Variants in SDK1 observed in about 807,000 individuals in gnomAD.
The protein encoded by SDK1 is protein sidekick-1.
A neutral mutation model predicts 245.5 loss-of-function variants in SDK1; 157 were observed. That is an observed-to-expected ratio of 0.64 (90% confidence interval 0.56 to 0.73). The LOEUF is 0.73. Ranked by LOEUF, SDK1 falls within the 30% of genes least tolerant of loss-of-function variation. The pLI, the probability that SDK1 is intolerant of heterozygous loss-of-function variation, is 0.00. For missense variants in SDK1, 3,583 were observed against 3,002.3 expected (o/e 1.19, Z -4.52); for synonymous variants, 1,647 against 1,278.5 (o/e 1.29, Z -6.15).
At chr7:3,562,085 G>C (rs1025182243) in intron 1 of SDK1, among the ~76,000 whole-genome samples, 2 of 152,164 alleles carry the variant, frequency 1.3e-5, no homozygotes, top group Non-Finnish European at 2.9e-5. Flanking sequence ...AGAATGCCAC[G>C]CCTTGTCTCT....
At chr7:3,484,532 A>G (rs1781617806) in intron 1 of SDK1, among the ~76,000 whole-genome samples, 1 of 152,238 alleles carries the variant, frequency 6.6e-6, no homozygotes, top group Admixed American at 6.5e-5. Flanking sequence ...AGTTCAAACC[A>G]GAGTTGTTCA....
intron 22 of SDK1, among the ~76,000 whole-genome samples, chr7:4,089,952 T>C (rs532501623): frequency 6.6e-6 from 1 of 152,282 alleles, no homozygotes; most frequent in African/African-American, 2.4e-5. Context: ...TTCTGTGACC[T>C]TGACAATTTT....
chr7:4,210,546 C>G (rs1784460087), intron 38 of SDK1, among the ~76,000 whole-genome samples: 1 of 152,176 alleles, frequency 6.6e-6, no homozygotes, highest in African/African-American at 2.4e-5. Flanking sequence ...CACTTGAAGC[C>G]ACGCCTCACA....
chr7:4,043,462 A>C (rs1005318832), intron 17 of SDK1, among the ~76,000 whole-genome samples: 2 of 152,172 alleles, frequency 1.3e-5, no homozygotes, highest in Admixed American at 6.5e-5. Flanking sequence ...AGGTAGAATG[A>C]GTGTCACAGC....
At chr7:3,510,192 A>G (rs1782534236) in intron 1 of SDK1, among the ~76,000 whole-genome samples, 1 of 152,180 alleles carries the variant, frequency 6.6e-6, no homozygotes. Flanking sequence ...TCAAACCATT[A>G]TGTGCTGCTA....
chr7:3,876,040 G>A (rs1781068193), intron 5 of SDK1, among the ~76,000 whole-genome samples: 1 of 152,170 alleles, frequency 6.6e-6, no homozygotes, highest in African/African-American at 2.4e-5. Context: ...GGTGGTGGAA[G>A]TATGTCATTC....
intron 5 of SDK1, among the ~76,000 whole-genome samples, chr7:3,920,638 A>G (rs1360932429): frequency 4.6e-5 from 7 of 152,168 alleles, no homozygotes; most frequent in African/African-American, 1.7e-4. Context: ...TCCGGAGGCA[A>G]GGCGGCACTT....
At chr7:4,139,397 ATATGTGTGTGTG>A (rs771090304) in intron 28 of SDK1, among the ~76,000 whole-genome samples, 183 of 150,092 alleles carry the variant, frequency 1.2e-3, no homozygotes, top group South Asian at 2.1e-3. Context: ...GTGTGTGTGT[ATATGTGTGTGTG>A]TATATGTGTG....
At position 4,208,274 on chromosome 7, in the gene SDK1, C is replaced by T. The variant is rs1370455011; in HGVS notation, c.5390C>T (p.Thr1797Ile). ...AAGAGTGACCCCCAGCAGGGGCGCA[C>T]CCACCAGGCCGGTAGGAGGAAGGCG... ...GPKSDPQQGR[T>I]HQAAPGAPSF... Residue 1797 changes from threonine (T) to isoleucine (I), a missense_variant, in exon 37 of 45, where the codon ACC becomes ATC. Physicochemically the swap from Thr to Ile is moderately conservative, Grantham distance 89. Coordinates refer to ENST00000404826, the MANE Select transcript of SDK1 (RefSeq NM_152744.4). 5 of 1,612,646 alleles carry T rather than the reference C, an allele frequency of 3.1e-6. 1 individual carries two copies. In the South Asian group the frequency reaches 5.5e-5, roughly 18 times the overall value.
intron 41 of SDK1, among the ~76,000 whole-genome samples, 176 bp downstream of exon 41, chr7:4,233,595 G>C (rs553460087): frequency 5.3e-5 from 8 of 152,084 alleles, no homozygotes; most frequent in African/African-American, 1.9e-4. Flanking sequence ...TGGGGTCGAG[G>C]GGGACCCTGG....
At chr7:3,723,652 T>G in intron 4 of SDK1, among the ~76,000 whole-genome samples, 1 of 144,572 alleles carries the variant, frequency 6.9e-6, no homozygotes, top group South Asian at 2.2e-4. Flanking sequence ...AGTTAGTAAG[T>G]AAAAGTTGTG....
chr7:3,757,310 T>C lies in SDK1; in HGVS notation c.714-64140T>C, dbSNP rs146136530. On this transcript the variant is annotated intron_variant, in intron 4 of 44. Coordinates refer to ENST00000404826, the MANE Select transcript of SDK1 (RefSeq NM_152744.4). ...TCCTTTTTTTGAGACAAGGTCTCTC[T>C]CTGTCACTCAACTCCTGGTCTCAAG... Among the ~76,000 whole-genome samples, 192 of 152,286 alleles carry C rather than the reference T, an allele frequency of 1.3e-3. 5 individuals carry two copies. In the East Asian group the frequency reaches 0.03, roughly 23 times the overall value.
intron 28 of SDK1, among the ~76,000 whole-genome samples, chr7:4,139,399 A>ACG (rs1432814103): frequency 7.0e-6 from 1 of 142,402 alleles, no homozygotes; most frequent in East Asian, 2.2e-4. Context: ...GTGTGTGTAT[A>ACG]TGTGTGTGTG....
chr7:4,111,688 A>G (rs1052998166), intron 23 of SDK1, among the ~76,000 whole-genome samples: 9 of 152,242 alleles, frequency 5.9e-5, no homozygotes, highest in Non-Finnish European at 1.3e-4. Context: ...TGTGAAATTA[A>G]CTGAAGCTAT....
intron 4 of SDK1, among the ~76,000 whole-genome samples, chr7:3,816,000 G>A (rs1344602273): frequency 7.0e-6 from 1 of 142,662 alleles, no homozygotes; most frequent in Admixed American, 7.0e-5. Flanking sequence ...TGACTACTGG[G>A]TACATAACGA....
At chr7:4,059,780 T>G in intron 19 of SDK1, among the ~76,000 whole-genome samples, 1 of 152,104 alleles carries the variant, frequency 6.6e-6, no homozygotes, top group African/African-American at 2.4e-5. Context: ...AAATCAGTAA[T>G]GAGGAACTTT....
chr7:3,972,003 G>A (rs1210420991), intron 12 of SDK1, among the ~76,000 whole-genome samples: 1 of 151,914 alleles, frequency 6.6e-6, no homozygotes, highest in Non-Finnish European at 1.5e-5. Flanking sequence ...CCTGTGCATG[G>A]GACAAAGTCA....
At chr7:3,609,367 A>G (rs1232965283) in intron 1 of SDK1, among the ~76,000 whole-genome samples, 2 of 152,158 alleles carry the variant, frequency 1.3e-5, no homozygotes, top group African/African-American at 4.8e-5. Context: ...GTCCAAGATC[A>G]CAGAGCTAGT....
intron 4 of SDK1, among the ~76,000 whole-genome samples, chr7:3,752,526 T>A (rs1019058379): frequency 6.6e-6 from 1 of 152,212 alleles, no homozygotes; most frequent in African/African-American, 2.4e-5. Flanking sequence ...CAAAGTGATT[T>A]TCTGTTAAGA....
Sources: gnomAD v4.1 joint callset for allele counts (sites outside exome capture counted in the v4.1 genomes callset) on GRCh38, gnomAD v4.1.1 for gene constraint, MANE v1.5 for transcripts, NCBI Gene and HGNC (gene_info 2026-07-23, HGNC 2026-07-21) for gene names.